CPEB3: variants seen among roughly 807,000 people sequenced by gnomAD.
The protein encoded by CPEB3 is cytoplasmic polyadenylation element-binding protein 3.
CPEB3 carries 20 observed loss-of-function variants against 67.2 expected under a neutral mutation model. That is an observed-to-expected ratio of 0.30 (90% CI 0.21 to 0.43). CPEB3 has a LOEUF of 0.43. Among genes scored for constraint, CPEB3 ranks in the 20% least tolerant of loss-of-function variants. The pLI is 1.00. For missense variants in CPEB3, 746 were observed against 968.6 expected, an observed-to-expected ratio of 0.77 and a Z score of 3.05; for synonymous variants, 376 against 393.1, an observed-to-expected ratio of 0.96 and a Z score of 0.51.
intron 9 of CPEB3, among the ~76,000 whole-genome samples, chr10:92,074,229 A>T (rs1162940406): frequency 6.6e-6 from 1 of 152,158 alleles, no homozygotes; most frequent in African/African-American, 2.4e-5. Context: ...TACAGGCATG[A>T]GCCACTGTGT....
At chr10:92,136,475 A>G (rs1846101624) in intron 6 of CPEB3, among the ~76,000 whole-genome samples, 1 of 152,232 alleles carries the variant, frequency 6.6e-6, no homozygotes, top group Admixed American at 6.5e-5. Context: ...TAAAGAGCTC[A>G]AACAACTCAA....
At chr10:92,250,064 T>G (rs1852230098) in intron 1 of CPEB3, among the ~76,000 whole-genome samples, 1 of 151,462 alleles carries the variant, frequency 6.6e-6, no homozygotes, top group Non-Finnish European at 1.5e-5. Context: ...CAATATATTT[T>G]TATTTTAAGC....
At chr10:92,148,569 C>T (rs1231899124) in intron 4 of CPEB3, among the ~76,000 whole-genome samples, 1 of 152,130 alleles carries the variant, frequency 6.6e-6, no homozygotes, top group African/African-American at 2.4e-5. Flanking sequence ...CTTTCCCTAA[C>T]CCTATTAAAT....
At chr10:92,197,472 CTG>C (rs1849297339) in intron 2 of CPEB3, among the ~76,000 whole-genome samples, 1 of 152,154 alleles carries the variant, frequency 6.6e-6, no homozygotes, top group African/African-American at 2.4e-5. Flanking sequence ...GGCAACTAAC[CTG>C]TTAGACCTTT....
At chr10:92,116,697 G>A (rs1388789662) in intron 6 of CPEB3, among the ~76,000 whole-genome samples, 2 of 152,206 alleles carry the variant, frequency 1.3e-5, no homozygotes, top group Non-Finnish European at 2.9e-5. Flanking sequence ...TCAGTGATGT[G>A]GCAAGCTATG....
chr10:92,078,780 T>C lies in CPEB3; in HGVS notation c.1869+2540A>G, dbSNP rs569803364. Reference sequence around the variant, plus strand: ...CTCCTTTTTAACTTAGTTCTAATCTTGTGGGAAGAAATACTGAGGACCTGA... The same window carrying C: ...CTCCTTTTTAACTTAGTTCTAATCTCGTGGGAAGAAATACTGAGGACCTGA... On this transcript the variant is annotated intron_variant, in intron 9 of 9. Transcript: ENST00000265997. Among the ~76,000 whole-genome samples the C allele has an allele frequency of 5.9e-5, 9 of 152,138 alleles. No homozygotes were observed. The South Asian group carries it at 1.7e-3, about 28-fold the overall frequency.
intron 1 of CPEB3, among the ~76,000 whole-genome samples, chr10:92,279,259 C>T (rs1318579752): frequency 6.6e-6 from 1 of 152,138 alleles, no homozygotes; most frequent in Non-Finnish European, 1.5e-5. Flanking sequence ...AAGCAAGCTG[C>T]AATTGGAAAT....
At chr10:92,105,292 A>C (rs1844390657) in intron 7 of CPEB3, among the ~76,000 whole-genome samples, 1 of 152,246 alleles carries the variant, frequency 6.6e-6, no homozygotes. Context: ...ACACATCACA[A>C]ATGAAGGACT....
chr10:92,107,939 C>G (rs1354931803), intron 7 of CPEB3, among the ~76,000 whole-genome samples: 3 of 152,052 alleles, frequency 2.0e-5, no homozygotes, highest in Non-Finnish European at 4.4e-5. Flanking sequence ...ACCTGAAATC[C>G]ACAAATTTGG....
At chr10:92,253,397 T>C (rs1363436701) in intron 1 of CPEB3, among the ~76,000 whole-genome samples, 2 of 139,208 alleles carry the variant, frequency 1.4e-5, no homozygotes, top group South Asian at 2.3e-4. Context: ...GAGGTGGAGG[T>C]TGCAGTGAGC....
chr10:92,081,044 G>A (rs1042939206), intron 9 of CPEB3, among the ~76,000 whole-genome samples: 22 of 152,182 alleles, frequency 1.4e-4, no homozygotes, highest in Non-Finnish European at 2.5e-4. Flanking sequence ...TACTGTCAGT[G>A]TCATCTTCTG....
intron 9 of CPEB3, among the ~76,000 whole-genome samples, chr10:92,075,986 A>G (rs1335829036): frequency 6.6e-6 from 1 of 152,218 alleles, no homozygotes; most frequent in African/African-American, 2.4e-5. Context: ...CACACCTCAT[A>G]TGGCCCTACT....
At chr10:92,199,055 C>A (rs1174080837) in intron 2 of CPEB3, among the ~76,000 whole-genome samples, 1 of 152,228 alleles carries the variant, frequency 6.6e-6, no homozygotes, top group African/African-American at 2.4e-5. Context: ...GCAACATATA[C>A]ATGGATAAAA....
At chr10:92,162,893 A>T (rs1847559294) in intron 4 of CPEB3, among the ~76,000 whole-genome samples, 1 of 152,166 alleles carries the variant, frequency 6.6e-6, no homozygotes, top group Non-Finnish European at 1.5e-5. Context: ...TCACAGCAAA[A>T]AAGAAAGACC....
At chr10:92,219,697 C>T (rs955339070) in intron 2 of CPEB3, among the ~76,000 whole-genome samples, 1 of 152,140 alleles carries the variant, frequency 6.6e-6, no homozygotes. Context: ...AATAACATTT[C>T]ATATTCTAGA....
At chr10:92,168,719 TTC>T (rs1217582685) in intron 4 of CPEB3, among the ~76,000 whole-genome samples, 2 of 151,996 alleles carry the variant, frequency 1.3e-5, no homozygotes, top group Non-Finnish European at 2.9e-5. Flanking sequence ...TTGCTTCCCC[TTC>T]TGCCATGATT....
intron 1 of CPEB3, among the ~76,000 whole-genome samples, chr10:92,288,472 A>AC (rs937139473): frequency 2.0e-5 from 3 of 146,600 alleles, no homozygotes; most frequent in African/African-American, 7.6e-5. Flanking sequence ...AAAAAAAAAA[A>AC]CCCAGAATAA....
intron 4 of CPEB3, among the ~76,000 whole-genome samples, chr10:92,165,773 A>G (rs188578817): frequency 1.3e-5 from 2 of 152,324 alleles, no homozygotes; most frequent in Non-Finnish European, 2.9e-5. Context: ...TTGCTTGTAC[A>G]TAAGAAGCAA....
chr10:92,119,202 T>G (rs1845206826), intron 6 of CPEB3: 1 of 1,581,920 alleles, frequency 6.3e-7, no homozygotes, highest in Admixed American at 1.7e-5. Flanking sequence ...CTACACATTA[T>G]TACATTCACC....
Sources: allele counts gnomAD v4.1 joint callset (sites outside exome capture counted in the v4.1 genomes callset), GRCh38; gene constraint gnomAD v4.1.1; transcripts MANE v1.5; gene names NCBI Gene and HGNC (gene_info 2026-07-23, HGNC 2026-07-21).